IMPG2: variants seen among roughly 807,000 people sequenced by gnomAD.
The protein encoded by IMPG2 is IPM 200.
A neutral mutation model predicts 129.2 loss-of-function variants in IMPG2; 91 were observed. The ratio of observed to expected loss-of-function variants is 0.70; its 90% CI spans 0.59 to 0.84. IMPG2 has a LOEUF of 0.84. Ranked by LOEUF, IMPG2 falls within the 40% of genes least tolerant of loss-of-function variation. IMPG2 has a pLI of 0.00. For synonymous variants in IMPG2, 510 were observed against 517.7 expected, an observed-to-expected ratio of 0.99 and a Z score of 0.20; for missense variants, 1,430 against 1,461.7, an observed-to-expected ratio of 0.98 and a Z score of 0.35.
At chr3:101,250,812 A>C (rs1706535620) in intron 11 of IMPG2, among the ~76,000 whole-genome samples, 1 of 152,114 alleles carries the variant, frequency 6.6e-6, no homozygotes, top group African/African-American at 2.4e-5. Context: ...CTAATATTCA[A>C]ATACCTGCTC....
At chr3:101,286,953 C>A (rs961757954) in intron 4 of IMPG2, among the ~76,000 whole-genome samples, 8 of 152,120 alleles carry the variant, frequency 5.3e-5, no homozygotes, top group Non-Finnish European at 1.0e-4. Flanking sequence ...CTCTAATCAC[C>A]TCCTAGTAGT....
chr3:101,312,552 C>A (rs140358193), intron 2 of IMPG2, among the ~76,000 whole-genome samples: 4 of 151,874 alleles, frequency 2.6e-5, no homozygotes, highest in Admixed American at 1.3e-4. Context: ...TAAATCAGAA[C>A]CCCCATACAC....
At chr3:101,292,603 T>G (rs1005335249) in intron 3 of IMPG2, among the ~76,000 whole-genome samples, 4 of 152,340 alleles carry the variant, frequency 2.6e-5, no homozygotes, top group South Asian at 2.1e-4. Context: ...TGATGGCTGC[T>G]GATGATTGAG....
chr3:101,268,370 C>T (rs1706743774), intron 8 of IMPG2, among the ~76,000 whole-genome samples: 1 of 152,150 alleles, frequency 6.6e-6, no homozygotes, highest in Non-Finnish European at 1.5e-5. Flanking sequence ...GAGCATACAA[C>T]TGGAGGCAGC....
intron 2 of IMPG2, among the ~76,000 whole-genome samples, chr3:101,314,710 T>C (rs557632936): frequency 2.2e-4 from 34 of 152,118 alleles, no homozygotes; most frequent in Non-Finnish European, 3.5e-4. Context: ...AGAATCAGTA[T>C]AAATAAGATT....
intron 4 of IMPG2, among the ~76,000 whole-genome samples, chr3:101,289,816 A>G (rs1049334775): frequency 2.0e-5 from 3 of 151,806 alleles, no homozygotes; most frequent in African/African-American, 7.3e-5. Context: ...GTACCAGCAA[A>G]TAAGTGTTGA....
rs912784194 is a variant in IMPG2, at chr3:101,243,930, T to A, written c.2401A>T (p.Thr801Ser). The stretch of plus-strand genomic sequence containing the variant: ...CAGAGCCTGTCAGCACTCTGTGGTG[T>A]ACTTGCCAATATGTCTCTGGACAAT... Reference protein sequence around the residue: ...EKLSRDILASTPQSADRLWLS... With the variant: ...EKLSRDILASSPQSADRLWLS... Residue 801 changes from threonine (T) to serine (S), a missense_variant, in exon 13 of 19, where the codon ACA (threonine) becomes TCA (serine). Thr to Ser is a moderately conservative substitution (Grantham distance 58). Coordinates refer to ENST00000193391, the MANE Select transcript of IMPG2 (RefSeq NM_016247.4). 1 of 1,614,092 alleles carries A rather than the reference T, an allele frequency of 6.2e-7. No individual in the cohort carries two copies. Among genetic ancestry groups the A allele is most frequent in the East Asian group, 2.2e-5 (1 of 44,898 alleles).
At chr3:101,303,463 G>A (rs972243025) in intron 3 of IMPG2, among the ~76,000 whole-genome samples, 1 of 152,122 alleles carries the variant, frequency 6.6e-6, no homozygotes, top group Non-Finnish European at 1.5e-5. Context: ...TTACATATGA[G>A]GACACAGAGG....
intron 11 of IMPG2, among the ~76,000 whole-genome samples, chr3:101,249,206 T>C (rs1462332173): frequency 6.6e-6 from 1 of 152,200 alleles, no homozygotes; most frequent in East Asian, 1.9e-4. Context: ...TTTTTGCTCC[T>C]TTAACCCTAT....
At chr3:101,304,964 C>T (rs1707173846) in intron 2 of IMPG2, among the ~76,000 whole-genome samples, 1 of 151,680 alleles carries the variant, frequency 6.6e-6, no homozygotes, top group Non-Finnish European at 1.5e-5. Flanking sequence ...CACTCTCAAA[C>T]TACTATATTT....
intron 9 of IMPG2, among the ~76,000 whole-genome samples, chr3:101,258,506 G>A (rs1472549661): frequency 2.0e-5 from 3 of 152,066 alleles, no homozygotes; most frequent in African/African-American, 7.2e-5. Context: ...ATGTAACTTA[G>A]TAATCTGTTC....
At chr3:101,268,611 G>T (rs1259756851) in intron 8 of IMPG2, among the ~76,000 whole-genome samples, 1 of 60,714 alleles carries the variant, frequency 1.6e-5, no homozygotes. Context: ...TAGTGTGTGT[G>T]TAAATATACA....
intron 7 of IMPG2, among the ~76,000 whole-genome samples, chr3:101,271,934 A>G (rs1706787013): frequency 6.6e-6 from 1 of 152,200 alleles, no homozygotes; most frequent in Non-Finnish European, 1.5e-5. Context: ...ACAAATAGAA[A>G]GTCGCCTGTG....
chr3:101,252,337 C>G (rs348882), intron 11 of IMPG2, among the ~76,000 whole-genome samples: 122,566 of 152,150 alleles, frequency 0.81, 49,420 homozygotes, highest in Admixed American at 0.83. Flanking sequence ...GGCTTATATA[C>G]AAATTCTCAT....
chr3:101,296,019 T>G (rs1707076044), intron 3 of IMPG2, among the ~76,000 whole-genome samples: 1 of 152,222 alleles, frequency 6.6e-6, no homozygotes, highest in African/African-American at 2.4e-5. Context: ...AGAGTCAATT[T>G]GACTTCCTCT....
intron 17 of IMPG2, among the ~76,000 whole-genome samples, 164 bp downstream of exon 17, chr3:101,229,216 A>G (rs1350087247): frequency 6.6e-6 from 1 of 152,010 alleles, no homozygotes; most frequent in Non-Finnish European, 1.5e-5. Flanking sequence ...ATCATAGACT[A>G]GGAGATACGA....
intron 2 of IMPG2, among the ~76,000 whole-genome samples, chr3:101,308,937 A>T (rs537833080): frequency 2.0e-5 from 3 of 152,298 alleles, no homozygotes; most frequent in East Asian, 3.9e-4. Flanking sequence ...AATTTCTTCC[A>T]TCAGATACCC....
At chr3:101,281,044 C>CAA (rs1041698787) in intron 4 of IMPG2, among the ~76,000 whole-genome samples, 4 of 152,140 alleles carry the variant, frequency 2.6e-5, no homozygotes, top group African/African-American at 9.7e-5. Flanking sequence ...CACACACACA[C>CAA]AATCCCAAAG....
At position 101,269,578 on chromosome 3, in the gene IMPG2, TA is replaced by T. The variant is rs747952635; in HGVS notation, c.829-6del. On this transcript the variant is annotated splice_region_variant and splice_polypyrimidine_tract_variant and intron_variant, in intron 7 of 18. Coordinates refer to ENST00000193391, the MANE Select transcript of IMPG2 (RefSeq NM_016247.4). ...CCCAGTAAATGCATTTTCAACCTGTTAAAAGTACAAATAAAAATGATAACTA... is the reference window on the plus strand; with the variant it reads ...CCCAGTAAATGCATTTTCAACCTGTTAAAGTACAAATAAAAATGATAACTA... 1 of 1,548,158 alleles carries T rather than the reference TA, an allele frequency of 6.5e-7. No homozygotes were observed. Among genetic ancestry groups the T allele is most frequent in the South Asian group, 1.1e-5 (1 of 89,338 alleles).
Sources: allele counts gnomAD v4.1 joint callset (sites outside exome capture counted in the v4.1 genomes callset), GRCh38; gene constraint gnomAD v4.1.1; transcripts MANE v1.5; gene names NCBI Gene and HGNC (gene_info 2026-07-23, HGNC 2026-07-21).